The following DSCAM variants were observed in gnomAD, a reference collection of about 807,000 sequenced individuals.
DSCAM encodes DS cell adhesion molecule.
Under a neutral mutation model 217.7 loss-of-function variants are expected in DSCAM, and 47 were observed. The observed-to-expected ratio is 0.22, with a 90% CI of 0.17 to 0.28. The LOEUF (loss-of-function observed/expected upper bound fraction) is 0.28. DSCAM is among the 10% of genes least tolerant of loss of function. The pLI is 1.00. For synonymous variants in DSCAM, 1,056 were observed against 1,015.3 expected (o/e 1.04, Z -0.76); for missense variants, 2,080 against 2,618.3 (o/e 0.79, Z 4.49).
chr21:40,774,685 C>T (rs2091473395), intron 1 of DSCAM, among the ~76,000 whole-genome samples: 1 of 151,856 alleles, frequency 6.6e-6, no homozygotes, highest in South Asian at 2.1e-4. Flanking sequence ...CATTATTAGA[C>T]ATAAATAAGT....
chr21:40,220,296 A>G (rs1046343837), intron 11 of DSCAM, among the ~76,000 whole-genome samples: 1 of 152,216 alleles, frequency 6.6e-6, no homozygotes, highest in Non-Finnish European at 1.5e-5. Context: ...TTCCAAACGT[A>G]GCCAAGTCAA....
intron 3 of DSCAM, among the ~76,000 whole-genome samples, chr21:40,603,962 T>C (rs2077082887): frequency 6.7e-6 from 1 of 148,552 alleles, no homozygotes; most frequent in South Asian, 2.1e-4. Context: ...CTCTTGGATA[T>C]GTGGTTTAGT....
intron 1 of DSCAM, among the ~76,000 whole-genome samples, chr21:40,784,620 A>G (rs550287815): frequency 5.3e-5 from 8 of 152,246 alleles, no homozygotes; most frequent in Non-Finnish European, 8.8e-5. Context: ...CTAACCCCCA[A>G]TGTGATGTTA....
At chr21:40,608,135 T>C (rs2146273251) in intron 3 of DSCAM, among the ~76,000 whole-genome samples, 1 of 152,342 alleles carries the variant, frequency 6.6e-6, no homozygotes, top group Non-Finnish European at 1.5e-5. Context: ...TTATAAAATA[T>C]ACATAATCCT....
chr21:40,595,937 G>A (rs934181918), intron 3 of DSCAM, among the ~76,000 whole-genome samples: 4 of 152,174 alleles, frequency 2.6e-5, no homozygotes, highest in East Asian at 3.8e-4. Flanking sequence ...ATCCACAGGC[G>A]GCAAACTGTG....
At chr21:40,523,190 A>C (rs2146092457) in intron 3 of DSCAM, among the ~76,000 whole-genome samples, 1 of 152,268 alleles carries the variant, frequency 6.6e-6, no homozygotes, top group South Asian at 2.1e-4. Flanking sequence ...TGGGTAGAGG[A>C]GGTTGTGGTC....
intron 1 of DSCAM, among the ~76,000 whole-genome samples, chr21:40,806,674 G>A (rs915453773): frequency 3.9e-5 from 6 of 152,048 alleles, no homozygotes; most frequent in East Asian, 1.9e-4. Context: ...TGTTTATTGC[G>A]GCACTGTTCA....
At chr21:40,480,994 T>C (rs952487001) in intron 3 of DSCAM, among the ~76,000 whole-genome samples, 3 of 152,250 alleles carry the variant, frequency 2.0e-5, no homozygotes, top group African/African-American at 2.4e-5. Context: ...CCTCTGGGCC[T>C]AGGATGCCCT....
chr21:40,542,879 T>C (rs900378571), intron 3 of DSCAM, among the ~76,000 whole-genome samples: 1 of 152,150 alleles, frequency 6.6e-6, no homozygotes, highest in African/African-American at 2.4e-5. Flanking sequence ...TCCAGCATCA[T>C]GTCACAATAT....
At chr21:40,642,043 A>T (rs531192036) in intron 3 of DSCAM, among the ~76,000 whole-genome samples, 22,386 of 75,380 alleles carry the variant, frequency 0.3, 2,001 homozygotes, top group Admixed American at 0.4. Flanking sequence ...ACTCTGTCTC[A>T]AAAAAAAAAA....
chr21:40,170,876 G>T (rs1041151978), intron 15 of DSCAM, among the ~76,000 whole-genome samples: 1 of 152,162 alleles, frequency 6.6e-6, no homozygotes, highest in East Asian at 1.9e-4. Flanking sequence ...TGGGCTCCCT[G>T]GGGCATGGCC....
chr21:40,472,164 C>G (rs903553805), intron 3 of DSCAM, among the ~76,000 whole-genome samples: 1 of 152,226 alleles, frequency 6.6e-6, no homozygotes, highest in Non-Finnish European at 1.5e-5. Flanking sequence ...CCCAACCCTC[C>G]TCTCTTTGTG....
intron 2 of DSCAM, 55 bp downstream of exon 2, chr21:40,708,399 T>TTA (rs2090740433): frequency 7.4e-7 from 1 of 1,357,232 alleles, no homozygotes; most frequent in South Asian, 2.2e-5. Context: ...GTCATTGTCA[T>TTA]TATCCTCCCA....
intron 3 of DSCAM, among the ~76,000 whole-genome samples, chr21:40,451,143 G>A (rs968133227): frequency 6.6e-6 from 1 of 152,188 alleles, no homozygotes; most frequent in Non-Finnish European, 1.5e-5. Context: ...TCATCCAGAG[G>A]CTCTGCCCCA....
chr21:40,746,657 G>A (rs529115926), intron 1 of DSCAM, among the ~76,000 whole-genome samples: 61 of 151,860 alleles, frequency 4.0e-4, no homozygotes, highest in African/African-American at 1.4e-3. Context: ...GCAATGGAAA[G>A]GTTATCCAGA....
intron 30 of DSCAM, among the ~76,000 whole-genome samples, chr21:40,044,802 C>G (rs1205879422): frequency 6.6e-6 from 1 of 152,200 alleles, no homozygotes. Flanking sequence ...TGGGCATCGT[C>G]ATATTCTGTA....
chr21:40,657,979 A>G (rs1405005035), intron 3 of DSCAM, among the ~76,000 whole-genome samples: 1 of 152,220 alleles, frequency 6.6e-6, no homozygotes, highest in Non-Finnish European at 1.5e-5. Flanking sequence ...CAGAAATGCT[A>G]CTTTGTGGAA....
intron 19 of DSCAM, among the ~76,000 whole-genome samples, chr21:40,126,273 A>AAAGGAAGGAAGGAAGGAGGG (rs2090092712): frequency 6.6e-6 from 1 of 151,842 alleles, no homozygotes; most frequent in African/African-American, 2.4e-5. Flanking sequence ...AAGAAAAAAG[A>AAAGGAAGGAAGGAAGGAGGG]AAGGAAGGAA....
At chr21:40,501,421 T>C (rs2076169417) in intron 3 of DSCAM, among the ~76,000 whole-genome samples, 1 of 152,164 alleles carries the variant, frequency 6.6e-6, no homozygotes, top group Non-Finnish European at 1.5e-5. Flanking sequence ...GTGCTCCCCT[T>C]TTCAATCTGT....
Sources: gnomAD v4.1 joint callset for allele counts (sites outside exome capture counted in the v4.1 genomes callset) on GRCh38, gnomAD v4.1.1 for gene constraint, MANE v1.5 for transcripts, NCBI Gene and HGNC (gene_info 2026-07-23, HGNC 2026-07-21) for gene names.